NLRP8: variants seen among roughly 807,000 people sequenced by gnomAD.
The protein encoded by NLRP8 is NACHT, LRR and PYD domains-containing protein 8.
Under a neutral mutation model 88.7 loss-of-function variants are expected in NLRP8, and 86 were observed. The ratio of observed to expected loss-of-function variants is 0.97; its 90% CI spans 0.81 to 1.16. The LOEUF (loss-of-function observed/expected upper bound fraction) is 1.16. Among genes scored for constraint, NLRP8 ranks in the 50% most tolerant of loss-of-function variants. The pLI is 0.00. For synonymous variants in NLRP8, 504 were observed against 494.6 expected (o/e 1.02, Z -0.25); for missense variants, 1,342 against 1,286.5 (o/e 1.04, Z -0.66).
intron 4 of NLRP8, among the ~76,000 whole-genome samples, chr19:55,963,879 A>G (rs774101790): frequency 6.6e-6 from 1 of 152,024 alleles, no homozygotes; most frequent in Non-Finnish European, 1.5e-5. Flanking sequence ...TGTAAGAGTG[A>G]GCGTGTATGC....
In NLRP8 at chr19:55,987,844, C is replaced by T; in HGVS notation, c.3078C>T (p.Ser1026=). The change falls in exon 10 of 10, where the codon AGC becomes AGT. Residue 1026 remains serine, a synonymous_variant. Coordinates refer to ENST00000291971, the MANE Select transcript of NLRP8 (RefSeq NM_176811.2). ...TTCCTGCCTGGACTCGAATAACTAG[C>T]TTCTCCCCAACTCCTCACCCACCCG... is the stretch of plus-strand genomic sequence containing the variant. 6.2e-7 allele frequency: 1 copy of T among 1,614,048 alleles called. No individual in the cohort carries two copies. The highest frequency in any genetic ancestry group is 8.5e-7 in the Non-Finnish European group (1 of 1,179,978).
At chr19:55,972,447 A>G (rs1359145933) in intron 6 of NLRP8, among the ~76,000 whole-genome samples, 1 of 151,626 alleles carries the variant, frequency 6.6e-6, no homozygotes, top group Admixed American at 6.6e-5. Flanking sequence ...TTTTATTTCA[A>G]TAAGTTTTGG....
intron 5 of NLRP8, among the ~76,000 whole-genome samples, chr19:55,969,293 A>G (rs1266844116): frequency 6.6e-6 from 1 of 152,162 alleles, no homozygotes; most frequent in African/African-American, 2.4e-5. Flanking sequence ...CCCAGAGTCT[A>G]TTACATCATT....
rs1295556217 is a variant in NLRP8, at chr19:55,988,110, A to AG, written c.*199dup. ...CCTGTGTGTATTAATATGCTATGTA[A>AG]GGCTGGGCGTGGTGGCTCACGCCTG... On this transcript the variant is annotated 3_prime_UTR_variant, in exon 10 of 10. Transcript: ENST00000291971. The AG allele has an allele frequency of 2.0e-6, 1 of 499,252 alleles. No individual in the cohort carries two copies. The highest frequency in any genetic ancestry group is 3.6e-5 in the East Asian group (1 of 27,788). The allele number at this position is 499,252 out of a possible 1,614,324, so 30.9% of individuals were successfully genotyped here.
In NLRP8 at chr19:55,954,775, T is replaced by G; in HGVS notation, c.717T>G (p.Cys239Trp). The change falls in exon 3 of 10, where the codon TGT (cysteine) becomes TGG (tryptophan). Residue 239 changes from cysteine to tryptophan, a missense_variant. By Grantham distance (215) the Cys-to-Trp change is radical (BLOSUM62 -2). Coordinates refer to ENST00000291971, the MANE Select transcript of NLRP8 (RefSeq NM_176811.2). Reference sequence around the variant, plus strand: ...AGTTCTACGCCCACAAGCGCTGGTGTGCTTTCTACTTCCATTGCCAAGAGG... The same window carrying G: ...AGTTCTACGCCCACAAGCGCTGGTGGGCTTTCTACTTCCATTGCCAAGAGG... 6.2e-7 allele frequency: 1 copy of G among 1,614,196 alleles called. No homozygotes were observed. The highest frequency in any genetic ancestry group is 8.5e-7 in the Non-Finnish European group (1 of 1,180,034).
chr19:55,971,652 G>GAC (rs985716916), intron 6 of NLRP8, among the ~76,000 whole-genome samples: 11 of 127,706 alleles, frequency 8.6e-5, no homozygotes, highest in African/African-American at 2.9e-4. Context: ...GCTACACACA[G>GAC]ACACACACAC....
At position 55,979,520 on chromosome 19, in the gene NLRP8, G is replaced by A. The variant is rs779606533; in HGVS notation, c.3003G>A (p.Leu1001=). 6.2e-7 allele frequency: 1 copy of A among 1,614,220 alleles called. No homozygotes were observed. Among genetic ancestry groups the A allele is most frequent in the Non-Finnish European group, 8.5e-7 (1 of 1,180,034 alleles). The change falls in exon 9 of 10, where the codon TTG becomes TTA. Residue 1001 remains leucine, a synonymous_variant. Coordinates refer to ENST00000291971, the MANE Select transcript of NLRP8 (RefSeq NM_176811.2). The stretch of plus-strand genomic sequence containing the variant: ...TTGGAGTCTATGGTATTCTGACCTT[G>A]TGCGAGGCCTTCTCAAGCCAAAAGA...
At chr19:55,976,495 G>T (rs974148250) in intron 8 of NLRP8, among the ~76,000 whole-genome samples, 192 bp downstream of exon 8, 1 of 151,942 alleles carries the variant, frequency 6.6e-6, no homozygotes, top group Non-Finnish European at 1.5e-5. Flanking sequence ...GCCTGGGCAG[G>T]ACACACACAA....
At position 55,954,512 on chromosome 19, in the gene NLRP8, C is replaced by G; in HGVS notation, c.454C>G (p.Arg152Gly). The stretch of plus-strand genomic sequence containing the variant: ...TCTCACAAATCTAGGTAAAATACGG[C>G]GGTATAAATCGAATGTGATGGAAAA... The change falls in exon 3 of 10, where the codon CGG (arginine) becomes GGG (glycine). Residue 152 changes from arginine (R) to glycine (G), a missense_variant. Physicochemically the swap from Arg to Gly is moderately radical, Grantham distance 125 (BLOSUM62 -2). Transcript: ENST00000291971. 1.2e-6 allele frequency: 2 copies of G among 1,612,986 alleles called. No homozygotes were observed. Among genetic ancestry groups the G allele is most frequent in the Non-Finnish European group, 1.7e-6 (2 of 1,179,490 alleles).
At chr19:55,952,679 T>C in intron 2 of NLRP8, 67 bp downstream of exon 2, 4 of 1,314,422 alleles carry the variant, frequency 3.0e-6, no homozygotes, top group Middle Eastern at 1.8e-4. Flanking sequence ...AGCTGCTCAG[T>C]TGCTAAGGCA....
intron 8 of NLRP8, among the ~76,000 whole-genome samples, chr19:55,976,817 C>T (rs962431848): frequency 2.5e-5 from 1 of 40,384 alleles, no homozygotes; most frequent in Non-Finnish European, 5.1e-5. Context: ...CGGTGGCTCA[C>T]GCCTATAATC....
chr19:55,956,183 C>G lies in NLRP8; in HGVS notation c.2042+83C>G. Reference sequence around the variant, plus strand: ...TGTCCCGGGTGTTTAGGGGGTCAATCTGCAAACCTTTCTGATCTCTTTCCT... The same window carrying G: ...TGTCCCGGGTGTTTAGGGGGTCAATGTGCAAACCTTTCTGATCTCTTTCCT... On this transcript the variant is annotated intron_variant, in intron 3 of 9. Transcript: ENST00000291971. The G allele has an allele frequency of 2.2e-6, 3 of 1,337,108 alleles. No individual in the cohort carries two copies. In the East Asian group the frequency reaches 6.9e-5, roughly 31 times the overall value. 82.8% of individuals were successfully genotyped at this position (1,337,108 alleles called of 1,614,324 possible).
rs1471604362 is a variant in NLRP8 at position 55,986,500 on chromosome 19, ACACACACACT to A, written c.3048-1313_3048-1304del. 7.9e-5 allele frequency among the ~76,000 whole-genome samples: 12 copies of A among 151,450 alleles called. 1 individual carries two copies. In the East Asian group the frequency reaches 9.7e-4, roughly 12 times the overall value. ...CACACACACACACACACACACACAC[ACACACACACT>A]AATTGCTTCAGGACAGCCAGCTGAA... On this transcript the variant is annotated intron_variant, in intron 9 of 9. Transcript: ENST00000291971.
At chr19:55,951,776 G>A (rs1269569239) in intron 1 of NLRP8, among the ~76,000 whole-genome samples, 2 of 152,144 alleles carry the variant, frequency 1.3e-5, no homozygotes, top group Non-Finnish European at 2.9e-5. Flanking sequence ...TTGAGACAAG[G>A]TCTTACTCTA....
chr19:55,970,794 A>G (rs1980043769), intron 6 of NLRP8, 98 bp downstream of exon 6: 1 of 1,494,950 alleles, frequency 6.7e-7, no homozygotes, highest in African/African-American at 1.4e-5. Context: ...TAGGGAAGGT[A>G]CATGTATAGG....
chr19:55,976,617 CAA>C (rs1201051668), intron 8 of NLRP8, among the ~76,000 whole-genome samples: 8 of 151,874 alleles, frequency 5.3e-5, no homozygotes, highest in African/African-American at 1.9e-4. Flanking sequence ...TAAAAGATAA[CAA>C]AGAGTTTGTC....
At position 55,980,755 on chromosome 19, in the gene NLRP8, G is replaced by A. The variant is rs530074263; in HGVS notation, c.3047+1191G>A. ...TTTATTACTTAATCTTGAAAGTGGC[G>A]TCCCATCACGTCTGCCTTGTTTTAT... On this transcript the variant is annotated intron_variant, in intron 9 of 9. Coordinates refer to ENST00000291971, the MANE Select transcript of NLRP8 (RefSeq NM_176811.2). Among the ~76,000 whole-genome samples the A allele has an allele frequency of 9.9e-5, 15 of 152,230 alleles. No homozygotes were observed. In the South Asian group the frequency reaches 1.0e-3, roughly 11 times the overall value.
intron 7 of NLRP8, 63 bp from the exon 8 acceptor site, chr19:55,976,070 G>T (rs957099189): frequency 1.2e-5 from 16 of 1,358,474 alleles, no homozygotes; most frequent in Non-Finnish European, 1.5e-5. Context: ...TTTCGTTGTT[G>T]TTGTTGTTGT....
chr19:55,974,840 C>G (rs1371644328), intron 7 of NLRP8, among the ~76,000 whole-genome samples: 1 of 152,048 alleles, frequency 6.6e-6, no homozygotes, highest in Non-Finnish European at 1.5e-5. Context: ...CCACCTCCCT[C>G]TGTGCCCTAG....
Sources: gnomAD v4.1 joint callset for allele counts (sites outside exome capture counted in the v4.1 genomes callset) on GRCh38, gnomAD v4.1.1 for gene constraint, MANE v1.5 for transcripts, NCBI Gene and HGNC (gene_info 2026-07-23, HGNC 2026-07-21) for gene names.